The following NRXN1 variants were observed in gnomAD, a reference collection of about 807,000 sequenced individuals.
NRXN1 encodes neurexin 1.
Under a neutral mutation model 150.9 loss-of-function variants are expected in NRXN1, and 39 were observed. The ratio of observed to expected loss-of-function variants is 0.26; its 90% CI spans 0.20 to 0.34. The LOEUF (loss-of-function observed/expected upper bound fraction) is 0.34, where lower values mean the gene tolerates loss of function less well. Among genes scored for constraint, NRXN1 ranks in the 10% least tolerant of loss-of-function variants. The pLI is 1.00. For missense variants in NRXN1, 1,815 were observed against 1,949.9 expected, an observed-to-expected ratio of 0.93 and a Z score of 1.30; for synonymous variants, 924 against 757.0, an observed-to-expected ratio of 1.22 and a Z score of -3.62.
At chr2:49,925,432 C>T (rs1398266960) in intron 22 of NRXN1, among the ~76,000 whole-genome samples, 2 of 151,884 alleles carry the variant, frequency 1.3e-5, no homozygotes. Flanking sequence ...TTTTGATGAT[C>T]ACTGAGAAAT....
At chr2:50,026,859 CTTTTTTTTTTTTTTTTTTTTTT>C (rs57580154) in intron 21 of NRXN1, among the ~76,000 whole-genome samples, 54 of 65,240 alleles carry the variant, frequency 8.3e-4, no homozygotes, top group African/African-American at 2.6e-3. Flanking sequence ...CTTTTCTTTT[CTTTTTTTTTTTTTTTTTTTTTT>C]TTTTTTTTTT....
At chr2:50,708,997 C>T (rs1315691932) in intron 5 of NRXN1, among the ~76,000 whole-genome samples, 2 of 152,116 alleles carry the variant, frequency 1.3e-5, no homozygotes, top group Non-Finnish European at 2.9e-5. Context: ...CATTTGATTG[C>T]CTGCTGATTT....
At chr2:50,107,539 A>ATATATTTTT (rs59921941) in intron 18 of NRXN1, among the ~76,000 whole-genome samples, 55 of 129,872 alleles carry the variant, frequency 4.2e-4, no homozygotes, top group South Asian at 5.1e-4. Context: ...ATATATATAT[A>ATATATTTTT]TTTTTTTTTT....
At chr2:50,455,010 A>T (rs1465960529) in intron 17 of NRXN1, among the ~76,000 whole-genome samples, 1 of 152,154 alleles carries the variant, frequency 6.6e-6, no homozygotes, top group Non-Finnish European at 1.5e-5. Context: ...AAATGAGGGC[A>T]TCATTTAGCA....
At chr2:50,974,655 C>A (rs1241355699) in intron 2 of NRXN1, among the ~76,000 whole-genome samples, 1 of 151,958 alleles carries the variant, frequency 6.6e-6, no homozygotes, top group East Asian at 1.9e-4. Flanking sequence ...CAATGTAATT[C>A]CTGGGTAGCT....
chr2:50,473,203 C>T (rs1026629499), intron 15 of NRXN1, among the ~76,000 whole-genome samples: 2 of 151,834 alleles, frequency 1.3e-5, no homozygotes, highest in African/African-American at 4.8e-5. Context: ...GGTAAAATTA[C>T]ACTACTTTCA....
At chr2:49,997,677 C>T (rs963700710) in intron 21 of NRXN1, among the ~76,000 whole-genome samples, 2 of 152,072 alleles carry the variant, frequency 1.3e-5, no homozygotes, top group Non-Finnish European at 2.9e-5. Flanking sequence ...TTGTGTACTT[C>T]CTCAAAATAC....
chr2:50,081,783 T>C (rs939926404), intron 19 of NRXN1, among the ~76,000 whole-genome samples: 1 of 152,112 alleles, frequency 6.6e-6, no homozygotes, highest in African/African-American at 2.4e-5. Flanking sequence ...TAAATAAATA[T>C]GTCTGTGCTA....
chr2:49,924,883 C>A (rs1402941024), intron 22 of NRXN1, among the ~76,000 whole-genome samples: 3 of 152,054 alleles, frequency 2.0e-5, no homozygotes, highest in Non-Finnish European at 1.5e-5. Flanking sequence ...TAGGTATGTT[C>A]GGAATAGGTA....
intron 5 of NRXN1, among the ~76,000 whole-genome samples, chr2:50,738,266 TC>T (rs1179228247): frequency 6.6e-6 from 1 of 152,230 alleles, no homozygotes; most frequent in African/African-American, 2.4e-5. Flanking sequence ...TGACACTGCA[TC>T]ATCAAACTGC....
intron 17 of NRXN1, among the ~76,000 whole-genome samples, chr2:50,436,995 A>T (rs181875821): frequency 6.6e-6 from 1 of 152,174 alleles, no homozygotes; most frequent in Non-Finnish European, 1.5e-5. Context: ...CAAATTATTT[A>T]CTGCAGGTAG....
chr2:50,837,696 C>T (rs1434563715), intron 5 of NRXN1, among the ~76,000 whole-genome samples: 2 of 151,842 alleles, frequency 1.3e-5, no homozygotes, highest in Non-Finnish European at 2.9e-5. Context: ...GAGATGCATA[C>T]AAAATATTTT....
chr2:49,962,670 TGTG>T (rs1332715990), intron 21 of NRXN1, among the ~76,000 whole-genome samples: 1 of 152,048 alleles, frequency 6.6e-6, no homozygotes, highest in Non-Finnish European at 1.5e-5. Context: ...ATATCTTGAT[TGTG>T]GTGGTGGTTA....
At chr2:50,177,147 A>G (rs559294135) in intron 18 of NRXN1, among the ~76,000 whole-genome samples, 39 of 152,256 alleles carry the variant, frequency 2.6e-4, no homozygotes, top group African/African-American at 9.1e-4. Context: ...TGTGCTTGTT[A>G]CATGGATATT....
chr2:50,762,122 T>TACACAC (rs35059030), intron 5 of NRXN1, among the ~76,000 whole-genome samples: 126 of 145,946 alleles, frequency 8.6e-4, no homozygotes, highest in African/African-American at 2.3e-3. Flanking sequence ...TATATGTGTA[T>TACACAC]ACACACACAC....
chr2:50,500,455 C>T (rs1010240957), intron 13 of NRXN1, among the ~76,000 whole-genome samples: 1 of 152,116 alleles, frequency 6.6e-6, no homozygotes, highest in Non-Finnish European at 1.5e-5. Context: ...TGATTGTTGC[C>T]TTCTTTAAAA....
At chr2:50,098,354 G>A (rs1236110551) in intron 18 of NRXN1, among the ~76,000 whole-genome samples, 5 of 152,046 alleles carry the variant, frequency 3.3e-5, no homozygotes, top group African/African-American at 1.2e-4. Flanking sequence ...GAGTGGTGGG[G>A]AAAAGCACAG....
At chr2:50,637,010 T>C (rs1683323060) in intron 5 of NRXN1, among the ~76,000 whole-genome samples, 1 of 152,172 alleles carries the variant, frequency 6.6e-6, no homozygotes, top group South Asian at 2.1e-4. Context: ...TGTTTCCCTA[T>C]GGGCTCCATG....
intron 2 of NRXN1, among the ~76,000 whole-genome samples, chr2:51,017,966 C>A (rs541183631): frequency 1.3e-5 from 2 of 152,182 alleles, no homozygotes; most frequent in African/African-American, 4.8e-5. Context: ...TAGAGGAACA[C>A]CATTACTTAG....
Sources: gnomAD v4.1 joint callset for allele counts (sites outside exome capture counted in the v4.1 genomes callset) on GRCh38, gnomAD v4.1.1 for gene constraint, MANE v1.5 for transcripts, NCBI Gene and HGNC (gene_info 2026-07-23, HGNC 2026-07-21) for gene names.